The following RCSD1 variants were observed in gnomAD, a reference collection of about 807,000 sequenced individuals.
The protein encoded by RCSD1 is capZ-interacting protein.
RCSD1 carries 26 observed loss-of-function variants against 42.5 expected under a neutral mutation model. The observed-to-expected ratio is 0.61, with a 90% CI of 0.45 to 0.85. The LOEUF is 0.85. Among genes scored for constraint, RCSD1 ranks in the 40% least tolerant of loss-of-function variants. The pLI, the probability that RCSD1 is intolerant of heterozygous loss-of-function variation, is 0.00. For missense variants in RCSD1, 571 were observed against 528.3 expected (o/e 1.08, Z -0.79); for synonymous variants, 220 against 212.2 (o/e 1.04, Z -0.32).
rs537600075 is a variant in RCSD1, at chr1:167,634,647, G to GA, written c.6+4225dup. Among the ~76,000 whole-genome samples, 681 of 152,102 alleles carry GA rather than the reference G, an allele frequency of 4.5e-3. 6 individuals carry two copies. Among genetic ancestry groups the GA allele is most frequent in the South Asian group, 0.022 (105 of 4,820 alleles). ...CACTGCCAATAGCCTGAGGGCACTT[G>GA]AAAAAAAGTATAATTTTCGCTGACT... On this transcript the variant is annotated intron_variant, in intron 1 of 6. Transcript: ENST00000367854.
chr1:167,681,775 C>T (rs1212583642), intron 1 of RCSD1, among the ~76,000 whole-genome samples: 1 of 152,178 alleles, frequency 6.6e-6, no homozygotes, highest in African/African-American at 2.4e-5. Context: ...GATGGACAAA[C>T]CAATCAGCCA....
intron 3 of RCSD1, among the ~76,000 whole-genome samples, chr1:167,686,413 C>T (rs1659238131): frequency 6.6e-6 from 1 of 152,182 alleles, no homozygotes; most frequent in Admixed American, 6.5e-5. Context: ...TACATTTTCT[C>T]ATCTATAAAG....
At chr1:167,674,522 A>G (rs889573713) in intron 1 of RCSD1, among the ~76,000 whole-genome samples, 1 of 152,212 alleles carries the variant, frequency 6.6e-6, no homozygotes, top group Non-Finnish European at 1.5e-5. Context: ...ACAATGAAAT[A>G]CTTTTTGGTA....
intron 3 of RCSD1, among the ~76,000 whole-genome samples, chr1:167,686,013 A>G (rs1659227260): frequency 6.6e-6 from 1 of 152,226 alleles, no homozygotes; most frequent in African/African-American, 2.4e-5. Context: ...AGCGCACAGG[A>G]GGCCTCGTTG....
intron 1 of RCSD1, chr1:167,663,756 C>T (rs1304978715): frequency 6.6e-6 from 1 of 152,262 alleles, no homozygotes; most frequent in African/African-American, 2.4e-5. Context: ...AGCCTGGTAT[C>T]TCTACGAAGA....
chr1:167,682,668 A>AGT (rs10607777), intron 1 of RCSD1, among the ~76,000 whole-genome samples: 34,296 of 142,458 alleles, frequency 0.24, 4,056 homozygotes, highest in Middle Eastern at 0.34. Flanking sequence ...GCCATGGAAG[A>AGT]GTGTGTGTGT....
chr1:167,659,858 C>T lies in RCSD1; in HGVS notation c.7-24042C>T, dbSNP rs139984425. On this transcript the variant is annotated intron_variant, in intron 1 of 6. Coordinates refer to ENST00000367854, the MANE Select transcript of RCSD1 (RefSeq NM_052862.4). The stretch of plus-strand genomic sequence containing the variant: ...TCCCTGAACTCGCCATGCCTCTGCT[C>T]CAGGGCCTCCCAGGGTTACAGGGTC... Among the ~76,000 whole-genome samples, 791 of 152,238 alleles carry T rather than the reference C, an allele frequency of 5.2e-3. 7 individuals are homozygous for T. The highest frequency in any genetic ancestry group is 0.018 in the African/African-American group (749 of 41,528).
intron 1 of RCSD1, among the ~76,000 whole-genome samples, chr1:167,682,720 T>C (rs147688893): frequency 0.014 from 2,042 of 142,142 alleles, 50 homozygotes; most frequent in African/African-American, 0.051. Context: ...TACAAGGGAG[T>C]AAGCTCGCTG....
At chr1:167,698,156 T>C (rs16859436) in intron 6 of RCSD1, among the ~76,000 whole-genome samples, 4,808 of 152,242 alleles carry the variant, frequency 0.032, 279 homozygotes, top group African/African-American at 0.11. Context: ...CAAGCATCTA[T>C]GGAAGCCTGC....
chr1:167,651,633 G>T (rs1658309686), intron 1 of RCSD1, among the ~76,000 whole-genome samples: 1 of 152,174 alleles, frequency 6.6e-6, no homozygotes, highest in South Asian at 2.1e-4. Flanking sequence ...TGTTGCTCCT[G>T]CTGGTCCCTC....
At chr1:167,650,789 T>A (rs1188098158) in intron 1 of RCSD1, among the ~76,000 whole-genome samples, 1 of 151,968 alleles carries the variant, frequency 6.6e-6, no homozygotes, top group Non-Finnish European at 1.5e-5. Context: ...GAGCGGAGTG[T>A]GCGTGGTACG....
In RCSD1 at chr1:167,706,323, T is replaced by G. The variant is rs1659756610; in HGVS notation, c.*1627T>G. 6.6e-6 allele frequency: 1 copy of G among 152,202 alleles called. No individual in the cohort carries two copies. The highest frequency in any genetic ancestry group is 1.9e-4 in the East Asian group (1 of 5,194). 9.4% of individuals were successfully genotyped at this position (152,202 alleles called of 1,614,324 possible). A position where few individuals can be genotyped will look rare whatever the true frequency, so the allele number is the denominator to read the frequency against. On this transcript the variant is annotated 3_prime_UTR_variant, in exon 7 of 7. Transcript: ENST00000367854. ...ATCTAGCTGGCTAGCTTGCTATCAATCTAGCTACCATCCATTTATTGACAG... is the reference window on the plus strand; with the variant it reads ...ATCTAGCTGGCTAGCTTGCTATCAAGCTAGCTACCATCCATTTATTGACAG...
intron 1 of RCSD1, among the ~76,000 whole-genome samples, chr1:167,668,982 T>C (rs1658727720): frequency 1.3e-5 from 2 of 152,374 alleles, no homozygotes; most frequent in South Asian, 2.1e-4. Context: ...CAGTAATTTA[T>C]AAAAACTTAA....
chr1:167,696,157 C>T (rs1659493564), intron 5 of RCSD1, among the ~76,000 whole-genome samples: 1 of 151,606 alleles, frequency 6.6e-6, no homozygotes, highest in Non-Finnish European at 1.5e-5. Context: ...GTCCCTGCAC[C>T]AGGGCCTGGC....
At chr1:167,693,792 T>C (rs551339744) in intron 4 of RCSD1, among the ~76,000 whole-genome samples, 1 of 152,348 alleles carries the variant, frequency 6.6e-6, no homozygotes, top group Admixed American at 6.5e-5. Flanking sequence ...CTCCTGGCAG[T>C]TGCTGCTTCG....
At chr1:167,672,465 G>T (rs1409910472) in intron 1 of RCSD1, among the ~76,000 whole-genome samples, 1 of 152,190 alleles carries the variant, frequency 6.6e-6, no homozygotes, top group African/African-American at 2.4e-5. Flanking sequence ...TCTTCTGAAG[G>T]GTCTAGGGAA....
At chr1:167,655,014 C>G (rs549792908) in intron 1 of RCSD1, among the ~76,000 whole-genome samples, 2 of 152,160 alleles carry the variant, frequency 1.3e-5, no homozygotes, top group Non-Finnish European at 2.9e-5. Flanking sequence ...TGCTGCACTT[C>G]ATGGCTCCCA....
At chr1:167,655,827 G>A (rs1013058270) in intron 1 of RCSD1, among the ~76,000 whole-genome samples, 1 of 152,166 alleles carries the variant, frequency 6.6e-6, no homozygotes, top group Non-Finnish European at 1.5e-5. Flanking sequence ...TGTAGAACCC[G>A]TGAGGATGCC....
At chr1:167,640,143 GTA>G (rs2102197383) in intron 1 of RCSD1, among the ~76,000 whole-genome samples, 1 of 152,340 alleles carries the variant, frequency 6.6e-6, no homozygotes, top group African/African-American at 2.4e-5. Context: ...GTTGGCAGGT[GTA>G]TGAGTTTGCG....
Sources: gnomAD v4.1 joint callset for allele counts (sites outside exome capture counted in the v4.1 genomes callset) on GRCh38, gnomAD v4.1.1 for gene constraint, MANE v1.5 for transcripts, NCBI Gene and HGNC (gene_info 2026-07-23, HGNC 2026-07-21) for gene names.